GTF2F2: variants seen among roughly 807,000 people sequenced by gnomAD.
GTF2F2 encodes ATP-dependent helicase GTF2F2.
A neutral mutation model predicts 42.2 loss-of-function variants in GTF2F2; 23 were observed. The observed-to-expected ratio is 0.55, with a 90% CI of 0.39 to 0.77. The LOEUF (loss-of-function observed/expected upper bound fraction) is 0.77, where lower values mean the gene tolerates loss of function less well. Ranked by LOEUF, GTF2F2 falls within the 30% of genes least tolerant of loss-of-function variation. GTF2F2 has a pLI of 0.00. For missense variants in GTF2F2, 261 were observed against 287.2 expected, an observed-to-expected ratio of 0.91 and a Z score of 0.66; for synonymous variants, 105 against 100.8, an observed-to-expected ratio of 1.04 and a Z score of -0.25.
intron 6 of GTF2F2, among the ~76,000 whole-genome samples, chr13:45,261,229 A>G (rs932851495): frequency 6.6e-6 from 1 of 152,052 alleles, no homozygotes; most frequent in African/African-American, 2.4e-5. Flanking sequence ...GATCAAGACC[A>G]TCCTGGCTAA....
chr13:45,149,988 C>T (rs1006449361), intron 3 of GTF2F2, among the ~76,000 whole-genome samples, 200 bp downstream of exon 3: 4 of 152,120 alleles, frequency 2.6e-5, no homozygotes, highest in African/African-American at 9.7e-5. Context: ...CATTTTTCTT[C>T]TTTGACCTAC....
chr13:45,284,132 TA>T lies in GTF2F2; in HGVS notation c.*572del, dbSNP rs1251360565. 1 of 152,248 alleles carries T rather than the reference TA, an allele frequency of 6.6e-6. No homozygotes were observed. Among genetic ancestry groups the T allele is most frequent in the African/African-American group, 2.4e-5 (1 of 41,468 alleles). The allele number at this position is 152,248 out of a possible 1,614,324, so 9.4% of individuals were successfully genotyped here. A position where few individuals can be genotyped will look rare whatever the true frequency, so the allele number is the denominator to read the frequency against. ...GGCAGTGTTCATCATTGGCTTATTT[TA>T]CCGTAGTGATGCTGAGATGAGAAAT... On this transcript the variant is annotated 3_prime_UTR_variant, in exon 8 of 8. Coordinates refer to ENST00000340473, the MANE Select transcript of GTF2F2 (RefSeq NM_004128.3).
At chr13:45,198,697 ATTTT>A (rs532691559) in intron 4 of GTF2F2, among the ~76,000 whole-genome samples, 2 of 145,486 alleles carry the variant, frequency 1.4e-5, no homozygotes, top group South Asian at 2.2e-4. Context: ...ACTTGCCCAC[ATTTT>A]TTTTTTGTTT....
Position 45,211,776 on chromosome 13 carries a change from G to A in GTF2F2, c.386+4271G>A, listed in dbSNP as rs143769931. On this transcript the variant is annotated intron_variant, in intron 5 of 7. Transcript: ENST00000340473. ...CCAATTTTGTATTTTTAGGAGAGAC[G>A]GGTTTCTCCATGTTGGTCAGGTTGG... is the stretch of plus-strand genomic sequence containing the variant. 4.2e-3 allele frequency among the ~76,000 whole-genome samples: 635 copies of A among 151,618 alleles called. 4 individuals carry two copies. The highest frequency in any genetic ancestry group is 0.015 in the African/African-American group (608 of 41,278).
At chr13:45,205,019 A>G (rs1873356096) in intron 4 of GTF2F2, among the ~76,000 whole-genome samples, 1 of 152,206 alleles carries the variant, frequency 6.6e-6, no homozygotes, top group African/African-American at 2.4e-5. Flanking sequence ...GAAGGTTGAT[A>G]GCACAAACCT....
intron 2 of GTF2F2, among the ~76,000 whole-genome samples, chr13:45,144,067 C>T (rs913638229): frequency 3.3e-5 from 5 of 151,914 alleles, no homozygotes; most frequent in Non-Finnish European, 5.9e-5. Flanking sequence ...GCCTGGCCAA[C>T]GTGGTGAAAC....
chr13:45,183,794 C>T (rs991662862), intron 4 of GTF2F2, among the ~76,000 whole-genome samples: 1 of 152,146 alleles, frequency 6.6e-6, no homozygotes, highest in Non-Finnish European at 1.5e-5. Context: ...CATCAAATGC[C>T]AGACATTTTT....
chr13:45,270,582 G>A (rs1876748714), intron 7 of GTF2F2, among the ~76,000 whole-genome samples: 1 of 152,172 alleles, frequency 6.6e-6, no homozygotes, highest in Admixed American at 6.5e-5. Flanking sequence ...CCATGACCTA[G>A]TCACCTCTCA....
At position 45,202,884 on chromosome 13, in the gene GTF2F2, C is replaced by T. The variant is rs144858689; in HGVS notation, c.305-4540C>T. On this transcript the variant is annotated intron_variant, in intron 4 of 7. Coordinates refer to ENST00000340473, the MANE Select transcript of GTF2F2 (RefSeq NM_004128.3). The stretch of plus-strand genomic sequence containing the variant: ...ATGAGAATTGCTTGAACCTGGGAGG[C>T]GGAGGTTTCAGTGAGTTGAGATTGC... Among the ~76,000 whole-genome samples the T allele has an allele frequency of 8.1e-3, 1,225 of 152,150 alleles. 58 individuals carry two copies. In the East Asian group the frequency reaches 0.1, roughly 13 times the overall value.
intron 4 of GTF2F2, among the ~76,000 whole-genome samples, chr13:45,206,103 C>T (rs1873401594): frequency 6.6e-6 from 1 of 151,958 alleles, no homozygotes; most frequent in Non-Finnish European, 1.5e-5. Context: ...TATTTTCTTC[C>T]TGCCATATTT....
chr13:45,191,824 TA>T (rs1872670726), intron 4 of GTF2F2, among the ~76,000 whole-genome samples: 1 of 152,202 alleles, frequency 6.6e-6, no homozygotes, highest in African/African-American at 2.4e-5. Flanking sequence ...ATGAATCTGA[TA>T]TTTTTAATGG....
intron 6 of GTF2F2, among the ~76,000 whole-genome samples, chr13:45,265,550 G>A (rs770323742): frequency 1.3e-5 from 2 of 152,044 alleles, no homozygotes; most frequent in East Asian, 1.9e-4. Context: ...CTCCCAGTTC[G>A]TACATATCAA....
rs773254844 is a variant in GTF2F2, at chr13:45,273,655, A to ATTTTTTTTTTTTTTTTTT, written c.630+6296_630+6297insTTTTTTTTTTTTTTTTTT. Among the ~76,000 whole-genome samples, 41 of 123,872 alleles carry ATTTTTTTTTTTTTTTTTT rather than the reference A, an allele frequency of 3.3e-4. 1 individual carries two copies. Among genetic ancestry groups the ATTTTTTTTTTTTTTTTTT allele is most frequent in the African/African-American group, 6.7e-4 (19 of 28,398 alleles). The allele number at this position is 123,872 out of a possible 152,430, so 81.3% of individuals were successfully genotyped here. ...CCACTTGATTTTAAAGAGTGGTAAA[A>ATTTTTTTTTTTTTTTTTT]TTTTTTTTTTTTTTTTTGAGACGGA... is the stretch of plus-strand genomic sequence containing the variant. On this transcript the variant is annotated intron_variant, in intron 7 of 7. Transcript: ENST00000340473.
intron 7 of GTF2F2, among the ~76,000 whole-genome samples, chr13:45,281,448 C>G (rs1255842319): frequency 1.3e-5 from 2 of 152,230 alleles, no homozygotes. Context: ...AACACGTACT[C>G]TACAGCAAAC....
rs563143959 is a variant in GTF2F2, at chr13:45,268,795, G to GC, written c.630+1420dup. On this transcript the variant is annotated intron_variant, in intron 7 of 7. Coordinates refer to ENST00000340473, the MANE Select transcript of GTF2F2 (RefSeq NM_004128.3). The stretch of plus-strand genomic sequence containing the variant: ...ATGGAAAATAATCACTTGTAGAGGG[G>GC]CATTCAGATGATACTAGGGAAAGCA... 1.1e-4 allele frequency among the ~76,000 whole-genome samples: 17 copies of GC among 152,236 alleles called. No homozygotes were observed. In the East Asian group the frequency reaches 3.1e-3, roughly 28 times the overall value.
At chr13:45,279,844 G>T (rs927111267) in intron 7 of GTF2F2, among the ~76,000 whole-genome samples, 3 of 152,274 alleles carry the variant, frequency 2.0e-5, no homozygotes, top group East Asian at 1.9e-4. Flanking sequence ...GGCAAAAGTT[G>T]CAGTGAGCCA....
chr13:45,206,764 T>C (rs191106313), intron 4 of GTF2F2: 28 of 152,326 alleles, frequency 1.8e-4, no homozygotes, highest in African/African-American at 5.3e-4. Context: ...TCAGAGTCAC[T>C]ATAAGAATTA....
chr13:45,283,009 C>T (rs1483814682), intron 7 of GTF2F2, among the ~76,000 whole-genome samples: 2 of 152,080 alleles, frequency 1.3e-5, no homozygotes, highest in Non-Finnish European at 2.9e-5. Context: ...AAATGTTGCT[C>T]ATTTTTTTTA....
chr13:45,236,687 A>G (rs961989936), intron 5 of GTF2F2, among the ~76,000 whole-genome samples: 1 of 152,208 alleles, frequency 6.6e-6, no homozygotes, highest in Non-Finnish European at 1.5e-5. Context: ...AATAATCTAG[A>G]GCTGTATAGA....
Sources: gnomAD v4.1 joint callset for allele counts (sites outside exome capture counted in the v4.1 genomes callset) on GRCh38, gnomAD v4.1.1 for gene constraint, MANE v1.5 for transcripts, NCBI Gene and HGNC (gene_info 2026-07-23, HGNC 2026-07-21) for gene names.